Variants in BCAS3 observed in about 807,000 individuals in gnomAD.
BCAS3 encodes the protein BCAS3 microtubule associated cell migration factor, also known as BCAS4/BCAS3 fusion.
BCAS3 carries 53 observed loss-of-function variants against 116.1 expected under a neutral mutation model. That is an observed-to-expected ratio of 0.46 (90% CI 0.37 to 0.57). The LOEUF (loss-of-function observed/expected upper bound fraction) is 0.57. BCAS3 is among the 20% of genes least tolerant of loss of function. The pLI is 0.00. For synonymous variants in BCAS3, 391 were observed against 408.2 expected (o/e 0.96, Z 0.51); for missense variants, 917 against 1,165.4 (o/e 0.79, Z 3.10).
At chr17:61,179,891 T>TC (rs1311971342) in intron 22 of BCAS3, among the ~76,000 whole-genome samples, 1 of 151,278 alleles carries the variant, frequency 6.6e-6, no homozygotes, top group Non-Finnish European at 1.5e-5. Flanking sequence ...TTTTTTTTTT[T>TC]TGGCAGCCCA....
At chr17:60,921,333 C>T (rs1330294231) in intron 12 of BCAS3, among the ~76,000 whole-genome samples, 3 of 152,136 alleles carry the variant, frequency 2.0e-5, no homozygotes, top group African/African-American at 7.2e-5. Context: ...TCCATATTCT[C>T]ACTTATAAGT....
At chr17:60,699,249 C>T (rs1424921471) in intron 4 of BCAS3, among the ~76,000 whole-genome samples, 1 of 152,134 alleles carries the variant, frequency 6.6e-6, no homozygotes, top group African/African-American at 2.4e-5. Flanking sequence ...GAGTCTCACT[C>T]TGTCCCTTAG....
At chr17:60,919,952 A>G (rs943631826) in intron 12 of BCAS3, among the ~76,000 whole-genome samples, 3 of 152,186 alleles carry the variant, frequency 2.0e-5, no homozygotes, top group African/African-American at 7.2e-5. Context: ...GAGGAACAAC[A>G]AACACCTAAG....
At position 61,083,556 on chromosome 17, in the gene BCAS3, G is replaced by T. The variant is rs1029220258; in HGVS notation, c.2328-911G>T. ...AATAGTATTTATTCTAATGCAGCTA[G>T]AAAGAGACACTCGGCATTTGGCATT... On this transcript the variant is annotated intron_variant, in intron 21 of 23. Coordinates refer to ENST00000407086, the MANE Select transcript of BCAS3 (RefSeq NM_017679.5). The surrounding 1 kb of genome is among the most constrained non-coding windows in gnomAD (Gnocchi z 4.9). Among the ~76,000 whole-genome samples the T allele has an allele frequency of 2.0e-4, 30 of 151,466 alleles. No homozygotes were observed. Among genetic ancestry groups the T allele is most frequent in the African/African-American group, 7.0e-4 (29 of 41,234 alleles).
intron 22 of BCAS3, among the ~76,000 whole-genome samples, chr17:61,262,926 A>G (rs993821804): frequency 2.0e-5 from 3 of 152,004 alleles, no homozygotes; most frequent in African/African-American, 4.8e-5. Flanking sequence ...TCCTGACCTC[A>G]GGTGATCCAC....
chr17:61,255,266 C>T lies in BCAS3; in HGVS notation c.2426-113061C>T, dbSNP rs573334245. Among the ~76,000 whole-genome samples the T allele has an allele frequency of 7.9e-5, 12 of 152,298 alleles. No homozygotes were observed. The South Asian group carries it at 2.5e-3, about 32-fold the overall frequency. On this transcript the variant is annotated intron_variant, in intron 22 of 23. Coordinates refer to ENST00000407086, the MANE Select transcript of BCAS3 (RefSeq NM_017679.5). ...TATTTCTCCCAGCTAATCTCATTCC[C>T]AGTTGCCAAAGAAAAGATCTCAAGC...
rs576834771 is a variant in BCAS3 at position 61,259,606 on chromosome 17, A to T, written c.2426-108721A>T. ...ATGAAGCCATTTAAGTGTTCCAGCC[A>T]CTGGAGCTGGTTCTCTTTGTTGTTC... On this transcript the variant is annotated intron_variant, in intron 22 of 23. Coordinates refer to ENST00000407086, the MANE Select transcript of BCAS3 (RefSeq NM_017679.5). The surrounding 1 kb of genome is among the most constrained non-coding windows in gnomAD (Gnocchi z 4.7). Among the ~76,000 whole-genome samples, 50 of 152,328 alleles carry T rather than the reference A, an allele frequency of 3.3e-4. No homozygotes were observed. The highest frequency in any genetic ancestry group is 6.7e-4 in the African/African-American group (28 of 41,570).
chr17:60,908,762 G>C (rs1455622789), intron 11 of BCAS3, among the ~76,000 whole-genome samples: 1 of 152,176 alleles, frequency 6.6e-6, no homozygotes, highest in Non-Finnish European at 1.5e-5. Flanking sequence ...CTTGGTTTTA[G>C]TCTGCTGTTA....
chr17:60,878,944 A>G (rs2055867297), intron 9 of BCAS3, among the ~76,000 whole-genome samples: 2 of 152,214 alleles, frequency 1.3e-5, no homozygotes, highest in Admixed American at 6.5e-5. Context: ...TCATAAGTAG[A>G]AAGAATCTTA....
At chr17:60,730,554 A>G (rs2040356720) in intron 5 of BCAS3, among the ~76,000 whole-genome samples, 1 of 152,230 alleles carries the variant, frequency 6.6e-6, no homozygotes, top group Non-Finnish European at 1.5e-5. Context: ...ATTTGTGGTT[A>G]GGCAGGCAAA....
chr17:61,070,257 G>T, intron 19 of BCAS3: 2 of 1,490,884 alleles, frequency 1.3e-6, no homozygotes, highest in South Asian at 1.1e-5. Context: ...CCCTGATTTG[G>T]CCTGATGGAG....
chr17:60,852,228 A>G (rs2053238199), intron 7 of BCAS3, among the ~76,000 whole-genome samples: 2 of 151,876 alleles, frequency 1.3e-5, no homozygotes, highest in African/African-American at 4.8e-5. Context: ...GGTGTGCTGC[A>G]CCCATGTTGT....
At chr17:60,679,218 C>CAAAAATAA (rs1276173253) in intron 1 of BCAS3, among the ~76,000 whole-genome samples, 1 of 152,138 alleles carries the variant, frequency 6.6e-6, no homozygotes, top group Admixed American at 6.5e-5. Flanking sequence ...GAGCGAGACT[C>CAAAAATAA]TATCTCAAAA....
At chr17:61,266,605 A>G (rs554343127) in intron 22 of BCAS3, among the ~76,000 whole-genome samples, 1 of 152,320 alleles carries the variant, frequency 6.6e-6, no homozygotes, top group South Asian at 2.1e-4. Context: ...TAGTGTCCTC[A>G]GGGTTTACCA....
intron 13 of BCAS3, among the ~76,000 whole-genome samples, chr17:60,928,209 CT>C (rs1352003214): frequency 6.6e-6 from 1 of 152,116 alleles, no homozygotes; most frequent in Non-Finnish European, 1.5e-5. Context: ...AAGGAAAACC[CT>C]TTGTGGAGGA....
rs1231272561 is a variant in BCAS3 at position 61,325,735 on chromosome 17, C to T, written c.2426-42592C>T. Reference sequence around the variant, plus strand: ...TGATGACCAGCAGGAGAGAGATGGGCCAACTCCACAAAGCAGGGGCTTTTT... The same window carrying T: ...TGATGACCAGCAGGAGAGAGATGGGTCAACTCCACAAAGCAGGGGCTTTTT... On this transcript the variant is annotated intron_variant, in intron 22 of 23. Coordinates refer to ENST00000407086, the MANE Select transcript of BCAS3 (RefSeq NM_017679.5). The surrounding 1 kb of genome is among the most constrained non-coding windows in gnomAD (Gnocchi z 6.4). Among the ~76,000 whole-genome samples the T allele has an allele frequency of 1.3e-5, 2 of 152,118 alleles. No homozygotes were observed. Among genetic ancestry groups the T allele is most frequent in the African/African-American group, 2.4e-5 (1 of 41,412 alleles).
intron 22 of BCAS3, among the ~76,000 whole-genome samples, chr17:61,142,273 A>G (rs1161750923): frequency 6.6e-6 from 1 of 152,206 alleles, no homozygotes; most frequent in Admixed American, 6.5e-5. Flanking sequence ...CCAAATTTAA[A>G]CCCAGATCTG....
In BCAS3 at chr17:61,324,598, A is replaced by C. The variant is rs1257524683; in HGVS notation, c.2426-43729A>C. On this transcript the variant is annotated intron_variant, in intron 22 of 23. Transcript: ENST00000407086. The surrounding 1 kb of genome is among the most constrained non-coding windows in gnomAD (Gnocchi z 4.6). ...AGGCAGCACTGAATGACAGTAAAGTAAGGGCTGGGCCTGGGGTCAGCAGCC... is the reference window on the plus strand; with the variant it reads ...AGGCAGCACTGAATGACAGTAAAGTCAGGGCTGGGCCTGGGGTCAGCAGCC... Among the ~76,000 whole-genome samples the C allele has an allele frequency of 6.6e-6, 1 of 152,224 alleles. No homozygotes were observed. Among genetic ancestry groups the C allele is most frequent in the East Asian group, 1.9e-4 (1 of 5,198 alleles).
chr17:60,744,058 A>AAATGCC (rs1248240025), intron 5 of BCAS3, among the ~76,000 whole-genome samples: 1 of 152,196 alleles, frequency 6.6e-6, no homozygotes, highest in African/African-American at 2.4e-5. Flanking sequence ...TCAGAAATTA[A>AAATGCC]AATGCCAGTA....
Sources: allele counts gnomAD v4.1 joint callset (sites outside exome capture counted in the v4.1 genomes callset), GRCh38; gene constraint gnomAD v4.1.1; non-coding constraint Gnocchi (gnomAD v3.1); transcripts MANE v1.5; gene names NCBI Gene and HGNC (gene_info 2026-07-23, HGNC 2026-07-21).